Variants in PARD3B observed in about 807,000 individuals in gnomAD.
PARD3B encodes the protein partitioning defective 3 homolog B.
A neutral mutation model predicts 130.2 loss-of-function variants in PARD3B; 103 were observed. The observed-to-expected ratio is 0.79, with a 90% CI of 0.67 to 0.93. PARD3B has a LOEUF of 0.93. Among genes scored for constraint, PARD3B ranks in the 40% least tolerant of loss-of-function variants. The pLI, the probability that PARD3B is intolerant of heterozygous loss-of-function variation, is 0.00. For missense variants in PARD3B, 1,609 were observed against 1,499.2 expected, an observed-to-expected ratio of 1.07 and a Z score of -1.21; for synonymous variants, 583 against 553.2, an observed-to-expected ratio of 1.05 and a Z score of -0.76.
chr2:205,349,036 T>C (rs2043896717), intron 18 of PARD3B, among the ~76,000 whole-genome samples: 1 of 152,186 alleles, frequency 6.6e-6, no homozygotes, highest in African/African-American at 2.4e-5. Context: ...ACCCACTGCA[T>C]CAAAGATCAT....
intron 1 of PARD3B, among the ~76,000 whole-genome samples, chr2:204,618,152 A>G (rs1374127552): frequency 6.6e-6 from 1 of 152,182 alleles, no homozygotes; most frequent in Non-Finnish European, 1.5e-5. Flanking sequence ...TTGCAAAAAC[A>G]TTTCTTATCT....
chr2:205,259,821 C>CT (rs1244246326), intron 16 of PARD3B, among the ~76,000 whole-genome samples: 3 of 152,036 alleles, frequency 2.0e-5, no homozygotes, highest in African/African-American at 7.2e-5. Flanking sequence ...ACCAGAAATG[C>CT]TTCGGATTTC....
intron 22 of PARD3B, among the ~76,000 whole-genome samples, chr2:205,561,705 C>G (rs1219109221): frequency 6.6e-6 from 1 of 152,206 alleles, no homozygotes; most frequent in Non-Finnish European, 1.5e-5. Flanking sequence ...GAAGAACCTT[C>G]CTCACTGTGA....
At chr2:205,044,514 G>A (rs10203223) in intron 3 of PARD3B, among the ~76,000 whole-genome samples, 2,515 of 150,274 alleles carry the variant, frequency 0.017, 39 homozygotes, top group African/African-American at 0.039. Context: ...GGTGTGAGAT[G>A]GTATCTCATT....
At chr2:205,192,720 T>A (rs2036461401) in intron 14 of PARD3B, among the ~76,000 whole-genome samples, 1 of 152,196 alleles carries the variant, frequency 6.6e-6, no homozygotes, top group Non-Finnish European at 1.5e-5. Flanking sequence ...AAGACCTAAA[T>A]AAAGTAGAAA....
At chr2:204,789,379 G>A (rs1455486828) in intron 2 of PARD3B, among the ~76,000 whole-genome samples, 1 of 152,152 alleles carries the variant, frequency 6.6e-6, no homozygotes, top group Non-Finnish European at 1.5e-5. Context: ...TAGGTGAAAT[G>A]ATTTTTATTT....
intron 2 of PARD3B, among the ~76,000 whole-genome samples, chr2:204,854,057 G>A (rs2044821351): frequency 6.6e-6 from 1 of 152,054 alleles, no homozygotes; most frequent in Non-Finnish European, 1.5e-5. Flanking sequence ...AGGAGCATTT[G>A]CGAAGATCCT....
At chr2:205,534,055 C>CAAAAAA (rs71410823) in intron 21 of PARD3B, among the ~76,000 whole-genome samples, 14 of 129,418 alleles carry the variant, frequency 1.1e-4, no homozygotes, top group African/African-American at 4.2e-4. Flanking sequence ...GTGAAAAAGC[C>CAAAAAA]AAAAAAAAAA....
chr2:204,741,855 A>AT (rs148523696), intron 2 of PARD3B, among the ~76,000 whole-genome samples: 19,795 of 150,578 alleles, frequency 0.13, 2,054 homozygotes, highest in African/African-American at 0.29. Flanking sequence ...TCTAAAAGCA[A>AT]TTTTTTTTTT....
chr2:205,172,164 A>AC, intron 11 of PARD3B, 47 bp from the exon 12 acceptor site: 1 of 1,582,678 alleles, frequency 6.3e-7, no homozygotes, highest in Non-Finnish European at 8.7e-7. Context: ...ACATGTCATC[A>AC]CCATACTTTT....
At chr2:204,924,231 G>A (rs763431548) in intron 2 of PARD3B, among the ~76,000 whole-genome samples, 2 of 151,870 alleles carry the variant, frequency 1.3e-5, no homozygotes, top group Non-Finnish European at 2.9e-5. Flanking sequence ...GTTACCCAAG[G>A]ATAACATAGA....
intron 3 of PARD3B, among the ~76,000 whole-genome samples, chr2:204,974,554 G>C (rs1238305888): frequency 6.6e-6 from 1 of 152,186 alleles, no homozygotes; most frequent in African/African-American, 2.4e-5. Context: ...ATTTGGTTCT[G>C]TATAATTGTG....
At chr2:204,694,857 G>A (rs1437925345) in intron 2 of PARD3B, among the ~76,000 whole-genome samples, 1 of 152,008 alleles carries the variant, frequency 6.6e-6, no homozygotes, top group East Asian at 1.9e-4. Flanking sequence ...GGAGGAGTGT[G>A]TACACTTGCC....
chr2:205,099,254 T>C (rs1006453393), intron 4 of PARD3B, among the ~76,000 whole-genome samples: 2 of 152,202 alleles, frequency 1.3e-5, no homozygotes, highest in Non-Finnish European at 2.9e-5. Context: ...TTATAGAGCG[T>C]CCAAAACCAT....
chr2:205,208,264 A>C (rs12694019), intron 15 of PARD3B, among the ~76,000 whole-genome samples: 10,731 of 112,052 alleles, frequency 0.096, 713 homozygotes, highest in East Asian at 0.28. Flanking sequence ...CCAATATCAT[A>C]CTGAATGGGC....
In PARD3B at chr2:205,201,130, TA is replaced by T. The variant is rs1344109276; in HGVS notation, c.2140+7811del. Among the ~76,000 whole-genome samples, 6 of 152,312 alleles carry T rather than the reference TA, an allele frequency of 3.9e-5. No individual in the cohort carries two copies. The East Asian group carries it at 1.2e-3, about 29-fold the overall frequency. ...TGGTGAGAGGCCTAGAAACCATGTT[TA>T]GTAAAAAACAGTTGAAAGAATAAAG... On this transcript the variant is annotated intron_variant, in intron 15 of 22. Coordinates refer to ENST00000406610, the MANE Select transcript of PARD3B (RefSeq NM_001302769.2).
rs144314261 is a variant in PARD3B, at chr2:205,216,104, T to C, written c.2140+22784T>C. On this transcript the variant is annotated intron_variant, in intron 15 of 22. Coordinates refer to ENST00000406610, the MANE Select transcript of PARD3B (RefSeq NM_001302769.2). Reference sequence around the variant, plus strand: ...AGTCCCATGAGCTTATAACAGTCTATGTTTACTATATCTTTTCTATGTTTA... The same window carrying C: ...AGTCCCATGAGCTTATAACAGTCTACGTTTACTATATCTTTTCTATGTTTA... 3.0e-3 allele frequency among the ~76,000 whole-genome samples: 460 copies of C among 152,288 alleles called. 4 individuals carry two copies. The highest frequency in any genetic ancestry group is 0.011 in the African/African-American group (437 of 41,574).
At chr2:205,384,927 A>C (rs1344677053) in intron 18 of PARD3B, among the ~76,000 whole-genome samples, 1 of 151,840 alleles carries the variant, frequency 6.6e-6, no homozygotes, top group Non-Finnish European at 1.5e-5. Context: ...CTTCCTTTGA[A>C]CTCTAGAAAC....
chr2:205,566,081 C>T (rs993890377), intron 22 of PARD3B, among the ~76,000 whole-genome samples: 3 of 152,088 alleles, frequency 2.0e-5, no homozygotes, highest in African/African-American at 4.8e-5. Flanking sequence ...TGTAGGAGAA[C>T]ACGTAATGAA....
Sources: allele counts gnomAD v4.1 joint callset (sites outside exome capture counted in the v4.1 genomes callset), GRCh38; gene constraint gnomAD v4.1.1; transcripts MANE v1.5; gene names NCBI Gene and HGNC (gene_info 2026-07-23, HGNC 2026-07-21).